BBX: variants seen among roughly 807,000 people sequenced by gnomAD.
BBX encodes BBX high mobility group box domain containing.
BBX carries 30 observed loss-of-function variants against 100.2 expected under a neutral mutation model. The observed-to-expected ratio is 0.30, with a 90% confidence interval of 0.22 to 0.41. The LOEUF is 0.41. Among genes scored for constraint, BBX ranks in the 10% least tolerant of loss-of-function variants. The pLI is 1.00. For missense variants in BBX, 1,023 were observed against 1,129.8 expected, an observed-to-expected ratio of 0.91 and a Z score of 1.35; for synonymous variants, 376 against 388.1, an observed-to-expected ratio of 0.97 and a Z score of 0.37.
At chr3:107,800,348 A>G (rs1198828991) in intron 16 of BBX, among the ~76,000 whole-genome samples, 1 of 152,210 alleles carries the variant, frequency 6.6e-6, no homozygotes, top group Non-Finnish European at 1.5e-5. Context: ...GAACAGTCCC[A>G]TTTACATAGA....
intron 7 of BBX, among the ~76,000 whole-genome samples, chr3:107,733,581 A>T (rs1029177502): frequency 2.0e-5 from 3 of 151,946 alleles, no homozygotes; most frequent in South Asian, 4.1e-4. Context: ...GGCTCAGGTG[A>T]TTCTCTCACC....
chr3:107,797,287 A>AGTTATTCTT (rs1160346177), intron 15 of BBX, among the ~76,000 whole-genome samples: 1 of 125,794 alleles, frequency 7.9e-6, no homozygotes, highest in Non-Finnish European at 1.6e-5. Context: ...TCACACCCTG[A>AGTTATTCTT]GTTATTCTTG....
chr3:107,798,488 T>C (rs749593887), intron 15 of BBX, 35 bp from the exon 16 acceptor site: 6 of 1,596,604 alleles, frequency 3.8e-6, no homozygotes, highest in South Asian at 1.1e-5. Context: ...CCTTCTGTTT[T>C]TGTGCATAAC....
rs201572640 is a variant in BBX, at chr3:107,806,342, CAAAAA to C, written c.*890_*894del. 1 of 150,170 alleles carries C rather than the reference CAAAAA, an allele frequency of 6.7e-6. No homozygotes were observed. The highest frequency in any genetic ancestry group is 2.4e-5 in the African/African-American group (1 of 40,894). The allele number at this position is 150,170 out of a possible 1,614,324, so 9.3% of individuals were successfully genotyped here. On this transcript the variant is annotated 3_prime_UTR_variant, in exon 18 of 18. Transcript: ENST00000325805. ...GTGACCAATGGATTGTTCATACAAA[CAAAAA>C]AAAAGACAAAAATATTATTCAGAAG...
intron 4 of BBX, among the ~76,000 whole-genome samples, chr3:107,715,463 T>C (rs2062037977): frequency 6.6e-6 from 1 of 152,224 alleles, no homozygotes; most frequent in African/African-American, 2.4e-5. Context: ...CCAAGCATTT[T>C]AGATAAGGGA....
At chr3:107,709,820 A>G (rs1418393329) in intron 3 of BBX, among the ~76,000 whole-genome samples, 1 of 152,222 alleles carries the variant, frequency 6.6e-6, no homozygotes, top group East Asian at 1.9e-4. Context: ...TCAGAATTTT[A>G]GGCTTCTAAA....
At chr3:107,734,673 T>G (rs935789159) in intron 7 of BBX, among the ~76,000 whole-genome samples, 1 of 152,204 alleles carries the variant, frequency 6.6e-6, no homozygotes, top group Non-Finnish European at 1.5e-5. Flanking sequence ...TATTTAGTGT[T>G]CTTTTTAACC....
chr3:107,739,867 A>G (rs2063934563), intron 7 of BBX, among the ~76,000 whole-genome samples: 1 of 152,154 alleles, frequency 6.6e-6, no homozygotes, highest in African/African-American at 2.4e-5. Context: ...CAGAAAGGTG[A>G]TCGGAGTTAT....
At chr3:107,765,305 A>G (rs1411978392) in intron 10 of BBX, among the ~76,000 whole-genome samples, 1 of 152,182 alleles carries the variant, frequency 6.6e-6, no homozygotes, top group African/African-American at 2.4e-5. Context: ...TAATTTTAGC[A>G]TACACATTTT....
chr3:107,534,829 A>T (rs2048384927), intron 2 of BBX, among the ~76,000 whole-genome samples: 1 of 152,222 alleles, frequency 6.6e-6, no homozygotes, highest in Admixed American at 6.5e-5. Context: ...CTCCTTATCC[A>T]AACATTTTCA....
chr3:107,786,268 A>G (rs1345416139), intron 13 of BBX, among the ~76,000 whole-genome samples: 2 of 152,142 alleles, frequency 1.3e-5, no homozygotes, highest in African/African-American at 4.8e-5. Flanking sequence ...ATTCAACCCA[A>G]CCCCTCTTAG....
intron 3 of BBX, among the ~76,000 whole-genome samples, chr3:107,686,460 A>T (rs551218262): frequency 6.6e-6 from 1 of 151,742 alleles, no homozygotes; most frequent in Admixed American, 6.6e-5. Context: ...TGAATTTCTA[A>T]GACTATAAAC....
At chr3:107,706,370 C>G (rs928388105) in intron 3 of BBX, among the ~76,000 whole-genome samples, 1 of 152,070 alleles carries the variant, frequency 6.6e-6, no homozygotes. Context: ...TTTTCCTAAT[C>G]TGTCAATTTA....
chr3:107,546,458 C>T (rs2049247826), intron 2 of BBX, among the ~76,000 whole-genome samples: 1 of 152,082 alleles, frequency 6.6e-6, no homozygotes, highest in Admixed American at 6.6e-5. Flanking sequence ...TACACAGAAC[C>T]ATATGATTAA....
At chr3:107,526,656 G>A (rs1018762877) in intron 2 of BBX, 1 of 282,050 alleles carries the variant, frequency 3.5e-6, no homozygotes, top group Non-Finnish European at 6.5e-6. Flanking sequence ...TTCTCAAATA[G>A]ACATTTTAAT....
At chr3:107,802,964 C>G (rs754972844) in intron 17 of BBX, among the ~76,000 whole-genome samples, 3 of 152,172 alleles carry the variant, frequency 2.0e-5, no homozygotes, top group Non-Finnish European at 2.9e-5. Flanking sequence ...ATGCTATGCT[C>G]ACACCTCTCT....
chr3:107,774,656 C>T lies in BBX; in HGVS notation c.1916-63C>T, dbSNP rs560015147. 95 of 1,549,902 alleles carry T rather than the reference C, an allele frequency of 6.1e-5. 1 individual carries two copies. In the African/African-American group the frequency reaches 1.1e-3, roughly 18 times the overall value. On this transcript the variant is annotated intron_variant, in intron 11 of 17. Coordinates refer to ENST00000325805, the MANE Select transcript of BBX (RefSeq NM_001142568.3). ...AGTCAAGAGGTTGCTCGTGAAGCAA[C>T]TAACATCATCTCCCCTCGCCCACCT...
At chr3:107,659,758 G>GT (rs1426541738) in intron 3 of BBX, 1 of 1,280,576 alleles carries the variant, frequency 7.8e-7, no homozygotes, top group Non-Finnish European at 1.0e-6. Context: ...TGAATGCACT[G>GT]TTTATTTTTA....
chr3:107,590,678 A>C (rs1182221601), intron 2 of BBX, among the ~76,000 whole-genome samples: 2 of 152,136 alleles, frequency 1.3e-5, no homozygotes, highest in African/African-American at 4.8e-5. Flanking sequence ...ATTTCTTTAA[A>C]TTACTTTAAA....
Sources: gnomAD v4.1 joint callset for allele counts (sites outside exome capture counted in the v4.1 genomes callset) on GRCh38, gnomAD v4.1.1 for gene constraint, MANE v1.5 for transcripts, NCBI Gene and HGNC (gene_info 2026-07-23, HGNC 2026-07-21) for gene names.